The following RNFT1 variants were observed in gnomAD, a reference collection of about 807,000 sequenced individuals.
RNFT1 encodes E3 ubiquitin-protein ligase RNFT1.
RNFT1 carries 35 observed loss-of-function variants against 53.2 expected under a neutral mutation model. The ratio of observed to expected loss-of-function variants is 0.66; its 90% CI spans 0.50 to 0.87. RNFT1 has a LOEUF of 0.87. RNFT1 is among the 40% of genes least tolerant of loss of function. RNFT1 has a pLI of 0.00. For missense variants in RNFT1, 421 were observed against 515.0 expected, an observed-to-expected ratio of 0.82 and a Z score of 1.77; for synonymous variants, 141 against 172.8, an observed-to-expected ratio of 0.82 and a Z score of 1.44.
intron 4 of RNFT1, among the ~76,000 whole-genome samples, chr17:59,958,938 T>TA (rs776709465): frequency 3.3e-5 from 5 of 152,204 alleles, no homozygotes; most frequent in Non-Finnish European, 5.9e-5. Flanking sequence ...GGTTTCTTCT[T>TA]AGTCTCCTTT....
At position 59,964,652 on chromosome 17, in the gene RNFT1, G is replaced by A. The variant is rs762600936; in HGVS notation, c.12C>T (p.Phe4=). MPL[F]LLSLPTPPSA... is the part of the protein sequence containing the mutation. The stretch of plus-strand genomic sequence containing the variant: ...ACGGAGGTGTCGGGAGCGACAGCAA[G>A]AACAGCGGCATACACCGCCTCCAGC... The change falls in exon 1 of 9, where the codon TTC becomes TTT. Residue 4 remains phenylalanine, a synonymous_variant. Coordinates refer to ENST00000305783, the MANE Select transcript of RNFT1 (RefSeq NM_016125.4). The A allele has an allele frequency of 1.6e-4, 253 of 1,608,326 alleles. No individual in the cohort carries two copies. The highest frequency in any genetic ancestry group is 4.9e-4 in the Middle Eastern group (3 of 6,076).
chr17:59,953,187 A>ATTT, intron 8 of RNFT1, 76 bp from the exon 9 acceptor site: 2 of 935,162 alleles, frequency 2.1e-6, no homozygotes, highest in Admixed American at 2.9e-5. Flanking sequence ...AATGAAAGGG[A>ATTT]TTCTTTTTTT....
Position 59,964,545 on chromosome 17 carries a change from C to T in RNFT1, c.56+63G>A, listed in dbSNP as rs1258061658. On this transcript the variant is annotated intron_variant, in intron 1 of 8. Coordinates refer to ENST00000305783, the MANE Select transcript of RNFT1 (RefSeq NM_016125.4). The stretch of plus-strand genomic sequence containing the variant: ...CCGAGCCTCGAGTGCCTATTCTCCC[C>T]AGAGCCCCCTGCGCCGCGGCCCCTC... 5.0e-5 allele frequency: 76 copies of T among 1,515,034 alleles called. No homozygotes were observed. The Middle Eastern group carries it at 5.1e-4, about 10-fold the overall frequency. The allele number at this position is 1,515,034 out of a possible 1,614,324, so 93.8% of individuals were successfully genotyped here.
At chr17:59,953,288 G>A (rs180514) in intron 8 of RNFT1, among the ~76,000 whole-genome samples, 177 bp from the exon 9 acceptor site, 18,503 of 150,330 alleles carry the variant, frequency 0.12, 1,447 homozygotes, top group Middle Eastern at 0.19. Flanking sequence ...CTCCGCCCCC[G>A]ACTGGTTCAA....
chr17:59,960,502 T>C (rs1232617035), intron 3 of RNFT1, among the ~76,000 whole-genome samples: 4 of 141,234 alleles, frequency 2.8e-5, no homozygotes, highest in Admixed American at 2.1e-4. Context: ...CCAGGTCTTC[T>C]ACAAGCTGAC....
At position 59,956,556 on chromosome 17, in the gene RNFT1, G is replaced by A. The variant is rs559862404; in HGVS notation, c.1006-3C>T. ...AGATGCCCAAAAAATTCCAAAAGCT[G>A]AAAAGAGAAATAAGAGATCATTTAT... On this transcript the variant is annotated splice_region_variant and splice_polypyrimidine_tract_variant and intron_variant, in intron 6 of 8. Transcript: ENST00000305783. The A allele has an allele frequency of 1.2e-5, 20 of 1,610,530 alleles. No individual in the cohort carries two copies. The African/African-American group carries it at 1.9e-4, about 15-fold the overall frequency.
At chr17:59,957,148 AAAGAGG>A (rs1408213237) in intron 6 of RNFT1, 70 bp downstream of exon 6, 40 of 1,396,610 alleles carry the variant, frequency 2.9e-5, no homozygotes, top group Non-Finnish European at 3.7e-5. Context: ...AAAACTGTTA[AAAGAGG>A]AAAACAGTAG....
chr17:59,957,371 A>G lies in RNFT1; in HGVS notation c.858T>C (p.Tyr286=), dbSNP rs781278705. Reference sequence around the variant, plus strand: ...ATTGACACAATTCTTCTAAAAGCATATACCAGTAACCCTAAAAAATAAGAA... The same window carrying G: ...ATTGACACAATTCTTCTAAAAGCATGTACCAGTAACCCTAAAAAATAAGAA... ...IMPFKSKGYW[Y]MLLEELCQYY... Residue 286 remains tyrosine (Y), a synonymous_variant, in exon 6 of 9, where the codon TAT becomes TAC. Transcript: ENST00000305783. The G allele has an allele frequency of 2.5e-6, 4 of 1,612,184 alleles. No individual in the cohort carries two copies. In the African/African-American group the frequency reaches 5.3e-5, roughly 22 times the overall value.
At chr17:59,956,385 T>G (rs1954684630) in intron 7 of RNFT1, 103 bp downstream of exon 7, 1 of 726,006 alleles carries the variant, frequency 1.4e-6, no homozygotes, top group Non-Finnish European at 2.4e-6. Flanking sequence ...AAGAAAAGGA[T>G]CATCTATTTA....
intron 6 of RNFT1, 50 bp downstream of exon 6, chr17:59,957,174 G>C (rs1241007064): frequency 2.6e-6 from 4 of 1,546,122 alleles, no homozygotes; most frequent in Non-Finnish European, 3.5e-6. Context: ...GTATGTATCA[G>C]TAATCATTAA....
chr17:59,955,570 G>A (rs1263958214), intron 7 of RNFT1, among the ~76,000 whole-genome samples: 1 of 152,196 alleles, frequency 6.6e-6, no homozygotes, highest in African/African-American at 2.4e-5. Flanking sequence ...CAGTTGAACT[G>A]ACTTGGACAA....
At chr17:59,953,174 G>T in intron 8 of RNFT1, 63 bp from the exon 9 acceptor site, 2 of 1,272,542 alleles carry the variant, frequency 1.6e-6, no homozygotes, top group Non-Finnish European at 2.2e-6. Context: ...TCACATTGTA[G>T]GGAATGAAAG....
Position 59,963,116 on chromosome 17 carries a change from A to G in RNFT1, c.225T>C (p.His75=). ...TRLTGEGSCP[H]SGDVHIQINS... is the part of the protein sequence containing the mutation. ...TTATCTGGATATGAACATCTCCAGAATGAGGGCAAGAACCCTCTCCTGTCA... is the reference window on the plus strand; with the variant it reads ...TTATCTGGATATGAACATCTCCAGAGTGAGGGCAAGAACCCTCTCCTGTCA... The change falls in exon 2 of 9, where the codon CAT becomes CAC. Residue 75 remains histidine (H), a synonymous_variant. Coordinates refer to ENST00000305783, the MANE Select transcript of RNFT1 (RefSeq NM_016125.4). 1 of 1,614,244 alleles carries G rather than the reference A, an allele frequency of 6.2e-7. No homozygotes were observed. The highest frequency in any genetic ancestry group is 1.1e-5 in the South Asian group (1 of 91,090).
chr17:59,956,981 C>T (rs1347032190), intron 6 of RNFT1, among the ~76,000 whole-genome samples: 1 of 152,130 alleles, frequency 6.6e-6, no homozygotes, highest in African/African-American at 2.4e-5. Context: ...ACTTGTTTTC[C>T]CTACTTAGAT....
At chr17:59,964,179 C>T (rs2145121716) in intron 1 of RNFT1, among the ~76,000 whole-genome samples, 1 of 152,286 alleles carries the variant, frequency 6.6e-6, no homozygotes, top group Admixed American at 6.5e-5. Flanking sequence ...CACTGCCGTG[C>T]TTTTCCCGTT....
At position 59,963,075 on chromosome 17, in the gene RNFT1, T is replaced by A. The variant is rs1351224052; in HGVS notation, c.266A>T (p.Glu89Val). ...VHIQINSIPK[E>V]CAENASSRNI... ...TCTGGAGCTTGCATTTTCTGCACAT[T>A]CTTTAGGTATGGAGTTTATCTGGAT... The change falls in exon 2 of 9, where the codon GAA becomes GTA. Residue 89 changes from glutamate (E) to valine (V), a missense_variant. Physicochemically the swap from Glu to Val is moderately radical, Grantham distance 121. Coordinates refer to ENST00000305783, the MANE Select transcript of RNFT1 (RefSeq NM_016125.4). The A allele has an allele frequency of 6.2e-7, 1 of 1,614,182 alleles. No individual in the cohort carries two copies. Among genetic ancestry groups the A allele is most frequent in the Admixed American group, 1.7e-5 (1 of 60,020 alleles).
rs751116466 is a variant in RNFT1 at position 59,963,097 on chromosome 17, G to C, written c.244C>G (p.Gln82Glu). 6.8e-6 allele frequency: 11 copies of C among 1,614,090 alleles called. No homozygotes were observed. Among genetic ancestry groups the C allele is most frequent in the Admixed American group, 5.0e-5 (3 of 59,996 alleles). Residue 82 changes from glutamine to glutamate, a missense_variant, in exon 2 of 9, where the codon CAG becomes GAG. Coordinates refer to ENST00000305783, the MANE Select transcript of RNFT1 (RefSeq NM_016125.4). ...CATTCTTTAGGTATGGAGTTTATCT[G>C]GATATGAACATCTCCAGAATGAGGG... ...SCPHSGDVHI[Q>E]INSIPKECAE...
intron 3 of RNFT1, among the ~76,000 whole-genome samples, chr17:59,961,484 A>C (rs1439743157): frequency 6.6e-6 from 1 of 152,236 alleles, no homozygotes; most frequent in Non-Finnish European, 1.5e-5. Flanking sequence ...AGTTGCCTTA[A>C]GGTGAAATTT....
chr17:59,956,341 C>T (rs2045254080), intron 7 of RNFT1, 147 bp downstream of exon 7: 1 of 622,864 alleles, frequency 1.6e-6, no homozygotes, highest in Non-Finnish European at 2.9e-6. Context: ...ATTATAGCCC[C>T]AAGTGCCAAA....
Sources: allele counts gnomAD v4.1 joint callset (sites outside exome capture counted in the v4.1 genomes callset), GRCh38; gene constraint gnomAD v4.1.1; transcripts MANE v1.5; gene names NCBI Gene and HGNC (gene_info 2026-07-23, HGNC 2026-07-21).